Variants in SCIN observed in about 807,000 individuals in gnomAD.
The protein encoded by SCIN is scinderin, also known as adseverin.
A neutral mutation model predicts 91.8 loss-of-function variants in SCIN; 91 were observed. The ratio of observed to expected loss-of-function variants is 0.99; its 90% confidence interval spans 0.84 to 1.18. SCIN has a LOEUF of 1.18. SCIN is among the 50% of genes most tolerant of loss of function. SCIN has a pLI of 0.00. For synonymous variants in SCIN, 367 were observed against 312.6 expected, an observed-to-expected ratio of 1.17 and a Z score of -1.84; for missense variants, 1,087 against 863.9, an observed-to-expected ratio of 1.26 and a Z score of -3.24.
intron 1 of SCIN, among the ~76,000 whole-genome samples, chr7:12,572,377 AC>A (rs1337744664): frequency 4.6e-5 from 7 of 152,228 alleles, no homozygotes; most frequent in Admixed American, 1.3e-4. Flanking sequence ...AAAGACTGAA[AC>A]TTTTATAACC....
intron 3 of SCIN, among the ~76,000 whole-genome samples, chr7:12,602,053 C>G (rs369818990): frequency 2.0e-5 from 3 of 152,124 alleles, no homozygotes; most frequent in Non-Finnish European, 4.4e-5. Context: ...AGCCAGATAT[C>G]GGCGGAACCC....
Position 12,626,643 on chromosome 7 carries a change from G to A in SCIN, c.1041G>A (p.Trp347Ter). Residue 347 changes from tryptophan (W) to a stop codon, truncating the protein, a stop_gained, in exon 8 of 16, where the codon TGG becomes TGA. Transcript: ENST00000297029. LOFTEE classifies it high-confidence loss of function. ...TCTTCAAACAGTTTTTTAAGGACTG[G>A]AGAGATAAAGATCAGAGTGATGGCT... ...TPIFKQFFKD[W>*]RDKDQSDGFG... is the part of the protein sequence containing the mutation. 1 of 1,555,208 alleles carries A rather than the reference G, an allele frequency of 6.4e-7. No homozygotes were observed. Among genetic ancestry groups the A allele is most frequent in the Non-Finnish European group, 8.7e-7 (1 of 1,148,816 alleles).
intron 2 of SCIN, among the ~76,000 whole-genome samples, chr7:12,579,139 T>C (rs17166188): frequency 0.15 from 22,327 of 151,920 alleles, 3,000 homozygotes; most frequent in African/African-American, 0.36. Flanking sequence ...CCTTAGAGCT[T>C]CACTACAATT....
intron 4 of SCIN, among the ~76,000 whole-genome samples, chr7:12,605,208 T>C (rs35276799): frequency 0.014 from 2,095 of 152,166 alleles, 31 homozygotes; most frequent in Non-Finnish European, 0.02. Flanking sequence ...CCCACCACCA[T>C]ACCTGGCTAA....
intron 4 of SCIN, among the ~76,000 whole-genome samples, chr7:12,622,416 C>G (rs1428538131): frequency 6.6e-6 from 1 of 152,068 alleles, no homozygotes; most frequent in Non-Finnish European, 1.5e-5. Flanking sequence ...ATAATAAACT[C>G]ATAAAACTGA....
chr7:12,586,761 A>G (rs1258307229), intron 3 of SCIN, among the ~76,000 whole-genome samples: 1 of 152,224 alleles, frequency 6.6e-6, no homozygotes, highest in Non-Finnish European at 1.5e-5. Flanking sequence ...AAAGTATGGA[A>G]TCCTTCCATT....
At chr7:12,636,820 T>G (rs910506998) in intron 10 of SCIN, among the ~76,000 whole-genome samples, 2 of 152,018 alleles carry the variant, frequency 1.3e-5, no homozygotes, top group African/African-American at 4.8e-5. Context: ...TGATAAATAT[T>G]TGAGATGATG....
chr7:12,574,574 T>G (rs1266074473), intron 1 of SCIN, among the ~76,000 whole-genome samples: 1 of 152,110 alleles, frequency 6.6e-6, no homozygotes, highest in Non-Finnish European at 1.5e-5. Context: ...AATAGGTGGA[T>G]TATATCAATG....
intron 4 of SCIN, among the ~76,000 whole-genome samples, chr7:12,613,685 T>G (rs1246512806): frequency 6.6e-6 from 1 of 152,198 alleles, no homozygotes; most frequent in East Asian, 1.9e-4. Context: ...ATTGCTGTTA[T>G]GTTTGCAGGG....
chr7:12,650,185 A>T (rs1411960764), intron 14 of SCIN, among the ~76,000 whole-genome samples: 1 of 152,142 alleles, frequency 6.6e-6, no homozygotes, highest in Non-Finnish European at 1.5e-5. Context: ...AAGCACAGAG[A>T]TTGTTCCTTT....
intron 3 of SCIN, among the ~76,000 whole-genome samples, chr7:12,602,228 G>T (rs897328234): frequency 3.9e-5 from 6 of 152,188 alleles, no homozygotes; most frequent in African/African-American, 1.2e-4. Flanking sequence ...AAGCCAGCAA[G>T]TTTTATTAAG....
intron 1 of SCIN, 68 bp from the exon 2 acceptor site, chr7:12,577,996 A>G (rs1005987166): frequency 2.1e-5 from 29 of 1,370,894 alleles, no homozygotes; most frequent in African/African-American, 1.0e-4. Flanking sequence ...GACTTCTTTC[A>G]TATCAGAAAT....
rs991438321 is a variant in SCIN at position 12,656,344 on chromosome 7, G to C, written c.*3629G>C. Reference sequence around the variant, plus strand: ...GAAAAAGTAGGTAGATAATTACTTTGAACTGAAAGAAAACACTTATTTTAT... The same window carrying C: ...GAAAAAGTAGGTAGATAATTACTTTCAACTGAAAGAAAACACTTATTTTAT... On this transcript the variant is annotated 3_prime_UTR_variant, in exon 16 of 16. Coordinates refer to ENST00000297029, the MANE Select transcript of SCIN (RefSeq NM_001112706.3). 6.6e-6 allele frequency: 1 copy of C among 152,014 alleles called. No individual in the cohort carries two copies. The highest frequency in any genetic ancestry group is 1.5e-5 in the Non-Finnish European group (1 of 67,978). The allele number at this position is 152,014 out of a possible 1,614,324, so 9.4% of individuals were successfully genotyped here.
intron 4 of SCIN, among the ~76,000 whole-genome samples, chr7:12,618,569 T>G (rs983693130): frequency 1.3e-5 from 2 of 151,966 alleles, no homozygotes; most frequent in Admixed American, 1.3e-4. Flanking sequence ...ATATCCAGAG[T>G]GGGTGGAGCT....
In SCIN at chr7:12,635,960, A is replaced by G. The variant is rs150517794; in HGVS notation, c.1320-85A>G. ...GTTCGCTTCTTCTTGATCTTTCATA[A>G]TAACTTGTCTCTGCTTGCAATGCCT... On this transcript the variant is annotated intron_variant, in intron 9 of 15. Transcript: ENST00000297029. 101 of 944,258 alleles carry G rather than the reference A, an allele frequency of 1.1e-4. No individual in the cohort carries two copies. In the East Asian group the frequency reaches 2.6e-3, roughly 24 times the overall value. 58.5% of individuals were successfully genotyped at this position (944,258 alleles called of 1,614,324 possible). A position where few individuals can be genotyped will look rare whatever the true frequency, so the allele number is the denominator to read the frequency against.
At chr7:12,636,465 C>T (rs1210746195) in intron 10 of SCIN, among the ~76,000 whole-genome samples, 2 of 152,170 alleles carry the variant, frequency 1.3e-5, no homozygotes, top group East Asian at 1.9e-4. Flanking sequence ...TGTTGTTCAA[C>T]AGATACAGTA....
At position 12,624,922 on chromosome 7, in the gene SCIN, C is replaced by A; in HGVS notation, c.760-88C>A. 4 of 1,283,486 alleles carry A rather than the reference C, an allele frequency of 3.1e-6. No individual in the cohort carries two copies. The South Asian group carries it at 4.8e-5, about 16-fold the overall frequency. 79.5% of individuals were successfully genotyped at this position (1,283,486 alleles called of 1,614,324 possible). A position where few individuals can be genotyped will look rare whatever the true frequency, so the allele number is the denominator to read the frequency against. On this transcript the variant is annotated intron_variant, in intron 5 of 15. Coordinates refer to ENST00000297029, the MANE Select transcript of SCIN (RefSeq NM_001112706.3). The stretch of plus-strand genomic sequence containing the variant: ...ATGCTTTTTATTTGATGACATTTAC[C>A]GAGTTGTACAACCATTACCATAATC...
In SCIN at chr7:12,649,351, A is replaced by G. The variant is rs545745754; in HGVS notation, c.1882-116A>G. The G allele has an allele frequency of 1.8e-4, 97 of 547,968 alleles. 1 individual carries two copies. In the South Asian group the frequency reaches 3.6e-3, roughly 20 times the overall value. The allele number at this position is 547,968 out of a possible 1,614,324, so 33.9% of individuals were successfully genotyped here. A position where few individuals can be genotyped will look rare whatever the true frequency, so the allele number is the denominator to read the frequency against. The stretch of plus-strand genomic sequence containing the variant: ...TTATTACGTGAAAAAGAAGAAAAAA[A>G]TTACCACCAAATTTTATTTTCACTA... On this transcript the variant is annotated intron_variant, in intron 13 of 15. Coordinates refer to ENST00000297029, the MANE Select transcript of SCIN (RefSeq NM_001112706.3).
intron 14 of SCIN, among the ~76,000 whole-genome samples, chr7:12,650,666 AT>A (rs930968774): frequency 6.6e-6 from 1 of 152,116 alleles, no homozygotes; most frequent in African/African-American, 2.4e-5. Flanking sequence ...AATTCAGGAC[AT>A]TTTTTTCAGC....
Sources: gnomAD v4.1 joint callset for allele counts (sites outside exome capture counted in the v4.1 genomes callset) on GRCh38, gnomAD v4.1.1 for gene constraint, MANE v1.5 for transcripts, NCBI Gene and HGNC (gene_info 2026-07-23, HGNC 2026-07-21) for gene names.